Variants in SORCS3 observed in about 807,000 individuals in gnomAD.
SORCS3 encodes the protein sortilin related VPS10 domain containing receptor 3.
A neutral mutation model predicts 146.3 loss-of-function variants in SORCS3; 57 were observed. The observed-to-expected ratio is 0.39, with a 90% CI of 0.31 to 0.49. The LOEUF (loss-of-function observed/expected upper bound fraction) is 0.49. Ranked by LOEUF, SORCS3 falls within the 20% of genes least tolerant of loss-of-function variation. The pLI is 0.92. For missense variants in SORCS3, 1,341 were observed against 1,575.5 expected, an observed-to-expected ratio of 0.85 and a Z score of 2.52; for synonymous variants, 653 against 618.5, an observed-to-expected ratio of 1.06 and a Z score of -0.83.
chr10:104,946,269 C>G (rs1394624425), intron 3 of SORCS3, among the ~76,000 whole-genome samples: 1 of 151,894 alleles, frequency 6.6e-6, no homozygotes, highest in Non-Finnish European at 1.5e-5. Flanking sequence ...TACAGGACGG[C>G]TGTTCTTGTT....
intron 16 of SORCS3, among the ~76,000 whole-genome samples, chr10:105,210,112 A>T (rs1017401611): frequency 6.6e-6 from 1 of 152,126 alleles, no homozygotes; most frequent in Non-Finnish European, 1.5e-5. Flanking sequence ...TTCCTGTTGT[A>T]GATATACACA....
intron 5 of SORCS3, among the ~76,000 whole-genome samples, chr10:105,056,622 G>A (rs982654867): frequency 2.0e-5 from 3 of 152,078 alleles, no homozygotes; most frequent in Admixed American, 6.5e-5. Context: ...GCATTTATAT[G>A]CCACTCTCTG....
chr10:105,138,018 C>T (rs951037409), intron 7 of SORCS3, among the ~76,000 whole-genome samples: 1 of 152,142 alleles, frequency 6.6e-6, no homozygotes, highest in Non-Finnish European at 1.5e-5. Flanking sequence ...GCAACACCCA[C>T]CTCTAAGCCA....
At chr10:104,657,763 C>T (rs1300724606) in intron 1 of SORCS3, among the ~76,000 whole-genome samples, 1 of 152,136 alleles carries the variant, frequency 6.6e-6, no homozygotes, top group Admixed American at 6.5e-5. Flanking sequence ...TCAATTTTAG[C>T]TCTGACTGTG....
At chr10:104,732,836 G>T (rs1003122384) in intron 1 of SORCS3, among the ~76,000 whole-genome samples, 2 of 152,150 alleles carry the variant, frequency 1.3e-5, no homozygotes, top group Non-Finnish European at 2.9e-5. Context: ...GTATAGCCTG[G>T]TGTATGTAGA....
chr10:104,860,665 A>G (rs996635440), intron 2 of SORCS3, among the ~76,000 whole-genome samples: 2 of 152,226 alleles, frequency 1.3e-5, no homozygotes, highest in Non-Finnish European at 2.9e-5. Flanking sequence ...GTGCCGGACA[A>G]TGATCGAAGT....
intron 3 of SORCS3, among the ~76,000 whole-genome samples, chr10:104,922,567 A>G (rs757960596): frequency 1.3e-5 from 2 of 152,238 alleles, no homozygotes; most frequent in Admixed American, 6.5e-5. Flanking sequence ...GACTGTTGTC[A>G]TGTGAAAATG....
intron 20 of SORCS3, among the ~76,000 whole-genome samples, chr10:105,238,364 A>G (rs1805615252): frequency 1.3e-5 from 2 of 152,204 alleles, no homozygotes; most frequent in Non-Finnish European, 2.9e-5. Context: ...AGGAATGTAA[A>G]ATTACTGGCT....
chr10:104,995,327 C>G (rs1470599135), intron 4 of SORCS3, among the ~76,000 whole-genome samples: 2 of 151,774 alleles, frequency 1.3e-5, no homozygotes, highest in African/African-American at 2.4e-5. Context: ...GACCGGCTAA[C>G]TTTTGTATTT....
At chr10:104,801,055 T>C (rs180764287) in intron 1 of SORCS3, among the ~76,000 whole-genome samples, 261 of 152,382 alleles carry the variant, frequency 1.7e-3, no homozygotes, top group African/African-American at 6.1e-3. Flanking sequence ...TGTGTGTATG[T>C]TCACTTTTTC....
chr10:104,720,618 C>T lies in SORCS3; in HGVS notation c.627+78664C>T, dbSNP rs183310234. 8.5e-3 allele frequency among the ~76,000 whole-genome samples: 1,297 copies of T among 152,328 alleles called. 18 individuals carry two copies. Among genetic ancestry groups the T allele is most frequent in the African/African-American group, 0.026 (1,081 of 41,568 alleles). ...CAGTGTAAAAGTGTTCCTATTTCTC[C>T]ACATCCTCTCCAGCACCTGTTGTTT... On this transcript the variant is annotated intron_variant, in intron 1 of 26. Coordinates refer to ENST00000369701, the MANE Select transcript of SORCS3 (RefSeq NM_014978.3).
chr10:105,072,526 CTCTGTG>C (rs1436354551), intron 5 of SORCS3, among the ~76,000 whole-genome samples: 1 of 152,168 alleles, frequency 6.6e-6, no homozygotes, highest in Non-Finnish European at 1.5e-5. Context: ...AGGCTAACCG[CTCTGTG>C]CCAGGGCTAT....
chr10:105,182,532 T>C (rs1434589016), intron 14 of SORCS3, among the ~76,000 whole-genome samples: 1 of 152,076 alleles, frequency 6.6e-6, no homozygotes, highest in East Asian at 1.9e-4. Flanking sequence ...AGTTGTTTAC[T>C]TAGTAAGATG....
chr10:105,248,756 CAA>C (rs1409372737), intron 22 of SORCS3, among the ~76,000 whole-genome samples: 2 of 148,068 alleles, frequency 1.4e-5, no homozygotes, highest in Admixed American at 1.3e-4. Context: ...TGGGAAATGG[CAA>C]AGAGTTTGGT....
chr10:104,956,398 G>A (rs1369512148), intron 3 of SORCS3, among the ~76,000 whole-genome samples: 4 of 152,102 alleles, frequency 2.6e-5, no homozygotes, highest in Non-Finnish European at 5.9e-5. Context: ...CAACCCAAGG[G>A]ACTCTTGTCC....
chr10:104,724,829 G>A (rs2016602720), intron 1 of SORCS3, among the ~76,000 whole-genome samples: 1 of 152,118 alleles, frequency 6.6e-6, no homozygotes, highest in African/African-American at 2.4e-5. Flanking sequence ...AGCTCCATCA[G>A]GTCCTTTAAG....
chr10:104,735,466 T>G (rs1243231977), intron 1 of SORCS3, among the ~76,000 whole-genome samples: 1 of 137,756 alleles, frequency 7.3e-6, no homozygotes, highest in African/African-American at 2.7e-5. Flanking sequence ...GTTTTTTTTT[T>G]TTTTTTTTTT....
At chr10:104,923,312 A>G (rs1208212010) in intron 3 of SORCS3, among the ~76,000 whole-genome samples, 3 of 152,158 alleles carry the variant, frequency 2.0e-5, no homozygotes, top group Non-Finnish European at 2.9e-5. Flanking sequence ...GCTCTTAGTT[A>G]TATGACTACA....
chr10:104,770,364 G>A (rs1027386975), intron 1 of SORCS3, among the ~76,000 whole-genome samples: 1 of 152,132 alleles, frequency 6.6e-6, no homozygotes, highest in African/African-American at 2.4e-5. Flanking sequence ...AAGTGGAAAA[G>A]GGGACTCCTA....
Sources: gnomAD v4.1 joint callset for allele counts (sites outside exome capture counted in the v4.1 genomes callset) on GRCh38, gnomAD v4.1.1 for gene constraint, MANE v1.5 for transcripts, NCBI Gene and HGNC (gene_info 2026-07-23, HGNC 2026-07-21) for gene names.